SAXO5: variants seen among roughly 807,000 people sequenced by gnomAD.
The protein encoded by SAXO5 is testis expressed 45.
the SAXO5 span, chr19:7,497,586 A>G: frequency 0.31 from 47,338 of 151,964 alleles, 7,855 homozygotes; most frequent in Non-Finnish European, 0.37. Context: ...GAACATGAGG[A>G]TCCTCTGAGA....
the SAXO5 span, chr19:7,507,047 A>C: frequency 6.2e-7 from 1 of 1,613,212 alleles, no homozygotes; most frequent in Non-Finnish European, 8.5e-7. Context: ...CCCCAACCTG[A>C]ATCTCCAGAA....
At chr19:7,501,975 C>T in the SAXO5 span, among the ~76,000 whole-genome samples, 1 of 151,738 alleles carries the variant, frequency 6.6e-6, no homozygotes, top group Non-Finnish European at 1.5e-5. Context: ...CGCGGTGGCT[C>T]ACGCCTGTAA....
the SAXO5 span, among the ~76,000 whole-genome samples, chr19:7,503,354 G>A: frequency 6.6e-6 from 1 of 151,934 alleles, no homozygotes; most frequent in Non-Finnish European, 1.5e-5. Context: ...GCCACAGAGC[G>A]AGACTCCATC....
At chr19:7,505,178 T>C in the SAXO5 span, 1 of 718,948 alleles carries the variant, frequency 1.4e-6, no homozygotes, top group Non-Finnish European at 2.5e-6. Flanking sequence ...AGATGGGGTT[T>C]CACCATTTTT....
chr19:7,505,697 T>C, the SAXO5 span: 2 of 1,452,036 alleles, frequency 1.4e-6, no homozygotes, highest in Admixed American at 1.7e-5. Flanking sequence ...GGTGCAGAAG[T>C]CCCAAAGTGG....
chr19:7,499,972 G>A, the SAXO5 span: 17 of 146,808 alleles, frequency 1.2e-4, no homozygotes, highest in African/African-American at 3.4e-4. Context: ...GTGTGGAGAC[G>A]GGGTCCCACT....
At chr19:7,507,322 C>G in the SAXO5 span, among the ~76,000 whole-genome samples, 2 of 152,160 alleles carry the variant, frequency 1.3e-5, no homozygotes, top group Admixed American at 6.6e-5. Context: ...GTGGTTCACG[C>G]TTGTAATCCC....
chr19:7,500,626 C>T, the SAXO5 span, among the ~76,000 whole-genome samples: 10 of 152,206 alleles, frequency 6.6e-5, no homozygotes, highest in Non-Finnish European at 1.5e-4. Context: ...ATTTCTGTCT[C>T]TGCTCTCGCT....
the SAXO5 span, chr19:7,505,491 C>T: frequency 3.7e-6 from 6 of 1,613,704 alleles, no homozygotes; most frequent in Non-Finnish European, 5.1e-6. Flanking sequence ...CCCAGGGCAG[C>T]TCTGCACCTG....
At chr19:7,498,916 A>G in the SAXO5 span, 1 of 152,724 alleles carries the variant, frequency 6.5e-6, no homozygotes, top group African/African-American at 2.4e-5. Context: ...CTGAAGCTGA[A>G]GGTCAGAGGA....
the SAXO5 span, chr19:7,501,378 C>A: frequency 6.6e-7 from 1 of 1,506,542 alleles, no homozygotes. Context: ...CCCGCAGCCT[C>A]GCGCGCCCAG....
chr19:7,507,119 T>G, the SAXO5 span: 1 of 1,613,944 alleles, frequency 6.2e-7, no homozygotes, highest in Non-Finnish European at 8.5e-7. Context: ...CCGGCCCCGG[T>G]GACTGAAGAG....
chr19:7,500,725 C>T, the SAXO5 span: 7 of 1,164,656 alleles, frequency 6.0e-6, no homozygotes, highest in South Asian at 1.1e-4. Flanking sequence ...TCAAAGGCAG[C>T]AGAAAGGAGT....
chr19:7,501,025 C>T, the SAXO5 span: 1 of 1,525,334 alleles, frequency 6.6e-7, no homozygotes, highest in East Asian at 2.5e-5. Flanking sequence ...CTGCTTTTCC[C>T]AATGGACCCG....
chr19:7,505,925 T>C, the SAXO5 span: 2 of 1,530,236 alleles, frequency 1.3e-6, no homozygotes, highest in South Asian at 2.5e-5. Flanking sequence ...CGGGGACCTC[T>C]CGGACGCCGG....
the SAXO5 span, chr19:7,500,660 C>G: frequency 1.2e-4 from 74 of 612,138 alleles, no homozygotes; most frequent in East Asian, 2.4e-3. Context: ...GAAGCTGTAC[C>G]AGTTTCCCGT....
the SAXO5 span, chr19:7,505,238 C>A: frequency 7.6e-7 from 1 of 1,316,926 alleles, no homozygotes; most frequent in Non-Finnish European, 1.1e-6. Flanking sequence ...CCACCTCAGC[C>A]TCCCAAAGTG....
chr19:7,505,820 A>G, the SAXO5 span: 2 of 957,780 alleles, frequency 2.1e-6, no homozygotes, highest in Non-Finnish European at 3.1e-6. Context: ...ATGAGATAAG[A>G]GTACCAACTC....
At chr19:7,508,214 C>G in the SAXO5 span, 2 of 1,613,756 alleles carry the variant, frequency 1.2e-6, no homozygotes, top group Non-Finnish European at 1.7e-6. Context: ...AGTGCAAGTA[C>G]AGCCACATGG....
Sources: gnomAD v4.1 joint callset for allele counts (sites outside exome capture counted in the v4.1 genomes callset) on GRCh38, gnomAD v4.1.1 for gene constraint, MANE v1.5 for transcripts, NCBI Gene and HGNC (gene_info 2026-07-23, HGNC 2026-07-21) for gene names.